Variants in TMPRSS7 observed in about 807,000 individuals in gnomAD.
The protein encoded by TMPRSS7 is transmembrane protease serine 7.
Under a neutral mutation model 95.6 loss-of-function variants are expected in TMPRSS7, and 81 were observed. That is an observed-to-expected ratio of 0.85 (90% CI 0.71 to 1.02). The LOEUF (loss-of-function observed/expected upper bound fraction) is 1.02, where lower values mean the gene tolerates loss of function less well. Among genes scored for constraint, TMPRSS7 ranks in the 50% least tolerant of loss-of-function variants. The pLI, the probability that TMPRSS7 is intolerant of heterozygous loss-of-function variation, is 0.00. For synonymous variants in TMPRSS7, 364 were observed against 337.8 expected, an observed-to-expected ratio of 1.08 and a Z score of -0.85; for missense variants, 945 against 955.2, an observed-to-expected ratio of 0.99 and a Z score of 0.14.
rs1430663672 is a variant in TMPRSS7, at chr3:112,061,935, A to G, written c.1447+12A>G. On this transcript the variant is annotated intron_variant, in intron 11 of 17. Transcript: ENST00000452346. ...CAACATCAGTCAACGTAAGCCTAGG[A>G]TCACCTCCTTAGGAAAACTTAATAC... 20 of 1,591,534 alleles carry G rather than the reference A, an allele frequency of 1.3e-5. No homozygotes were observed. The highest frequency in any genetic ancestry group is 1.6e-5 in the Non-Finnish European group (19 of 1,168,114).
chr3:112,079,770 C>T (rs1302271927), intron 17 of TMPRSS7, among the ~76,000 whole-genome samples: 1 of 152,134 alleles, frequency 6.6e-6, no homozygotes, highest in Non-Finnish European at 1.5e-5. Context: ...TTGTGGCAAG[C>T]ACCGTGCTAG....
chr3:112,080,956 G>A, exon 18 of TMPRSS7: 1 of 1,613,830 alleles, frequency 6.2e-7, no homozygotes, highest in South Asian at 1.1e-5. Context: ...AAAAAGTGAT[G>A]GAAAATGGAT....
At chr3:112,066,246 T>C (rs1323805150) in intron 12 of TMPRSS7, 146 bp from the exon 13 acceptor site, 3 of 604,072 alleles carry the variant, frequency 5.0e-6, no homozygotes, top group South Asian at 2.4e-5. Flanking sequence ...CTTTTCCTCA[T>C]GGAAGTGTCA....
chr3:112,036,763 G>A (rs183906266), intron 1 of TMPRSS7, among the ~76,000 whole-genome samples: 6 of 152,302 alleles, frequency 3.9e-5, no homozygotes, highest in East Asian at 1.9e-4. Context: ...GGAAGTCAGC[G>A]ACCCTGAATG....
chr3:112,044,414 GT>G, intron 4 of TMPRSS7, 92 bp downstream of exon 4: 2 of 1,101,534 alleles, frequency 1.8e-6, no homozygotes, highest in East Asian at 2.6e-5. Context: ...CCATTCCCAA[GT>G]AACTTCTTGG....
At chr3:112,070,274 G>A (rs1443593426) in intron 13 of TMPRSS7, among the ~76,000 whole-genome samples, 1 of 152,222 alleles carries the variant, frequency 6.6e-6, no homozygotes. Flanking sequence ...TTAGATAAGT[G>A]TGATGTGGTG....
chr3:112,058,984 A>C (rs1359633922), intron 10 of TMPRSS7, among the ~76,000 whole-genome samples: 2 of 152,218 alleles, frequency 1.3e-5, no homozygotes, highest in Non-Finnish European at 2.9e-5. Flanking sequence ...AAAAGCTCTA[A>C]TTGTGCTAAC....
chr3:112,067,154 T>G (rs1299280866), intron 13 of TMPRSS7, among the ~76,000 whole-genome samples: 2 of 152,232 alleles, frequency 1.3e-5, no homozygotes, highest in African/African-American at 4.8e-5. Context: ...GCAAAGGACA[T>G]GAACTCATCC....
At chr3:112,034,865 A>G in exon 1 of TMPRSS7, 1 of 702,958 alleles carries the variant, frequency 1.4e-6, no homozygotes, top group Non-Finnish European at 2.6e-6. Context: ...GAAAACAGCG[A>G]TGTTTCAGCC....
At chr3:112,050,924 G>A in intron 9 of TMPRSS7, 141 bp downstream of exon 9, 1 of 505,432 alleles carries the variant, frequency 2.0e-6, no homozygotes, top group East Asian at 3.3e-5. Flanking sequence ...TATTTAGAAT[G>A]CAACACTTTT....
chr3:112,038,652 A>C (rs1576094228), intron 2 of TMPRSS7, among the ~76,000 whole-genome samples: 4 of 151,876 alleles, frequency 2.6e-5, no homozygotes, highest in Admixed American at 1.3e-4. Flanking sequence ...GCTAACTTTT[A>C]AAGTTTGTTG....
At chr3:112,039,848 C>CT (rs896887222) in intron 2 of TMPRSS7, 19 of 152,224 alleles carry the variant, frequency 1.2e-4, no homozygotes, top group Non-Finnish European at 2.8e-4. Context: ...ATTTGGACAG[C>CT]AGTGTGGGTA....
intron 9 of TMPRSS7, among the ~76,000 whole-genome samples, chr3:112,054,183 A>C (rs1033715493): frequency 1.1e-4 from 16 of 152,198 alleles, no homozygotes; most frequent in Admixed American, 5.2e-4. Flanking sequence ...ACACACCACC[A>C]CTGGCAAATT....
chr3:112,037,233 T>G (rs1323621800), intron 1 of TMPRSS7, among the ~76,000 whole-genome samples: 3 of 152,206 alleles, frequency 2.0e-5, no homozygotes, highest in African/African-American at 7.2e-5. Flanking sequence ...GCTAAATTCT[T>G]TCCCCAGTAA....
Position 112,045,921 on chromosome 3 carries a change from C to T in TMPRSS7, c.669C>T (p.Asp223=), listed in dbSNP as rs771202123. 68 of 1,551,472 alleles carry T rather than the reference C, an allele frequency of 4.4e-5. No homozygotes were observed. The Middle Eastern group carries it at 5.0e-4, about 11-fold the overall frequency. Residue 223 remains aspartate, a synonymous_variant, in exon 5 of 18, where the codon GAC becomes GAT. Transcript: ENST00000452346. ...GGAGCTTGCAGGGACTGGCTGTGGA[C>T]ATGGACTCTGTGGTACTAAATGGTG...
chr3:112,044,271 C>A, exon 4 of TMPRSS7: 1 of 1,550,722 alleles, frequency 6.4e-7, no homozygotes, highest in Non-Finnish European at 8.7e-7. Context: ...CTGGTTTATA[C>A]AACATCTGCC....
chr3:112,060,943 A>G (rs1193970568), intron 10 of TMPRSS7, among the ~76,000 whole-genome samples: 2 of 152,232 alleles, frequency 1.3e-5, no homozygotes, highest in African/African-American at 4.8e-5. Context: ...ATAAATGTCC[A>G]TGAAATCTTC....
chr3:112,074,051 A>G (rs1347973627), intron 13 of TMPRSS7, among the ~76,000 whole-genome samples: 1 of 152,218 alleles, frequency 6.6e-6, no homozygotes, highest in Non-Finnish European at 1.5e-5. Flanking sequence ...CTATGGGAGA[A>G]AGAAGAGGTG....
intron 4 of TMPRSS7, among the ~76,000 whole-genome samples, 153 bp downstream of exon 4, chr3:112,044,475 C>T (rs1401331649): frequency 6.6e-6 from 1 of 152,190 alleles, no homozygotes; most frequent in Admixed American, 6.5e-5. Context: ...ACTCAACTCA[C>T]TGCCCTTCTT....
Sources: gnomAD v4.1 joint callset for allele counts (sites outside exome capture counted in the v4.1 genomes callset) on GRCh38, gnomAD v4.1.1 for gene constraint, MANE v1.5 for transcripts, NCBI Gene and HGNC (gene_info 2026-07-23, HGNC 2026-07-21) for gene names.